Variants in IFT81 observed in about 807,000 individuals in gnomAD.
IFT81 encodes the protein intraflagellar transport 81, also known as intraflagellar transport protein 81 homolog.
A neutral mutation model predicts 102.6 loss-of-function variants in IFT81; 72 were observed. The observed-to-expected ratio is 0.70, with a 90% confidence interval of 0.58 to 0.85. The LOEUF is 0.85. Among genes scored for constraint, IFT81 ranks in the 40% least tolerant of loss-of-function variants. The pLI, the probability that IFT81 is intolerant of heterozygous loss-of-function variation, is 0.00. For missense variants in IFT81, 723 were observed against 787.3 expected (o/e 0.92, Z 0.98); for synonymous variants, 237 against 242.7 (o/e 0.98, Z 0.22).
chr12:110,172,947 G>GGGGGA (rs1896824306), intron 11 of IFT81, among the ~76,000 whole-genome samples: 1 of 142,748 alleles, frequency 7.0e-6, no homozygotes, highest in African/African-American at 2.6e-5. Flanking sequence ...GGAGGTGGGG[G>GGGGGA]TCAGCCCCCG....
At chr12:110,206,214 A>G (rs1868603207) in intron 17 of IFT81, among the ~76,000 whole-genome samples, 1 of 152,168 alleles carries the variant, frequency 6.6e-6, no homozygotes, top group Non-Finnish European at 1.5e-5. Flanking sequence ...GTGTGATTGC[A>G]GTGTACCAGT....
chr12:110,180,711 A>G (rs1897287159), intron 12 of IFT81, 140 bp downstream of exon 12: 1 of 545,486 alleles, frequency 1.8e-6, no homozygotes, highest in Non-Finnish European at 3.0e-6. Flanking sequence ...GACATGACAT[A>G]TAAGTTGATT....
Position 110,163,071 on chromosome 12 carries a change from C to T in IFT81, c.1188+6C>T. 1 of 1,611,856 alleles carries T rather than the reference C, an allele frequency of 6.2e-7. No homozygotes were observed. The highest frequency in any genetic ancestry group is 8.5e-7 in the Non-Finnish European group (1 of 1,178,622). On this transcript the variant is annotated splice_donor_region_variant and intron_variant, in intron 11 of 18. Transcript: ENST00000242591. ...AAGTTTTAAAGGGAGATGAGGTAAG[C>T]TGAGCCATCTCATGGGACAAGGGTA...
At chr12:110,126,297 G>T in intron 1 of IFT81, among the ~76,000 whole-genome samples, 1 of 138,202 alleles carries the variant, frequency 7.2e-6, no homozygotes, top group Non-Finnish European at 1.5e-5. Flanking sequence ...AAAAAAAAAA[G>T]CACAAGATCA....
Position 110,180,570 on chromosome 12 carries a change from TG to T in IFT81, c.1338+1del. 1 of 1,599,816 alleles carries T rather than the reference TG, an allele frequency of 6.3e-7. No homozygotes were observed. Among genetic ancestry groups the T allele is most frequent in the Middle Eastern group, 1.7e-4 (1 of 5,988 alleles). On this transcript the variant is annotated frameshift_variant and splice_region_variant, in exon 12 of 19. Transcript: ENST00000242591. LOFTEE classifies it high-confidence loss of function. ...CGTCATGAAAATATTCAACAACAAC[TG>T]GTAATACAGTATTATCTTGGGCTAC... ...KQRHENIQQQ[L>X]QTMEEKKGIS... is the part of the protein sequence containing the mutation.
chr12:110,136,710 G>T, intron 7 of IFT81, 66 bp from the exon 8 acceptor site: 1 of 816,322 alleles, frequency 1.2e-6, no homozygotes, highest in African/African-American at 1.7e-5. Flanking sequence ...ATTTTTCATT[G>T]CTTGCCTAAG....
intron 10 of IFT81, among the ~76,000 whole-genome samples, chr12:110,154,628 C>CAAAAAAAAAAAAAA (rs201856295): frequency 1.9e-5 from 1 of 53,598 alleles, no homozygotes. Context: ...CTCTGTCTCA[C>CAAAAAAAAAAAAAA]AAAAAAAAAA....
rs532716744 is a variant in IFT81 at position 110,215,340 on chromosome 12, G to A, written c.1849-2704G>A. Among the ~76,000 whole-genome samples, 14 of 150,172 alleles carry A rather than the reference G, an allele frequency of 9.3e-5. No homozygotes were observed. In the East Asian group the frequency reaches 2.8e-3, roughly 30 times the overall value. On this transcript the variant is annotated intron_variant, in intron 18 of 18. Transcript: ENST00000242591. ...AGATATTTCCAACACACTGCATTTC[G>A]TTCTATGTGCACTTTCACCTTCTCT...
chr12:110,160,508 C>T (rs946385955), intron 10 of IFT81, among the ~76,000 whole-genome samples: 2 of 152,192 alleles, frequency 1.3e-5, no homozygotes, highest in African/African-American at 4.8e-5. Context: ...CCACCTTCCT[C>T]CCCCTGCCTT....
At position 110,218,338 on chromosome 12, in the gene IFT81, C is replaced by G; in HGVS notation, c.*112C>G. 1.4e-6 allele frequency: 1 copy of G among 715,502 alleles called. No homozygotes were observed. Among genetic ancestry groups the G allele is most frequent in the Non-Finnish European group, 2.1e-6 (1 of 468,808 alleles). 44.3% of individuals were successfully genotyped at this position (715,502 alleles called of 1,614,324 possible). A position where few individuals can be genotyped will look rare whatever the true frequency, so the allele number is the denominator to read the frequency against. On this transcript the variant is annotated 3_prime_UTR_variant, in exon 19 of 19. Coordinates refer to ENST00000242591, the MANE Select transcript of IFT81 (RefSeq NM_014055.4). ...GTATAGCATTTTGTTTTCAGAAGAG[C>G]CATTCTTTATTAAGTTTTCATAGAA...
At chr12:110,154,358 C>T (rs1477743724) in intron 10 of IFT81, among the ~76,000 whole-genome samples, 4 of 149,398 alleles carry the variant, frequency 2.7e-5, no homozygotes, top group East Asian at 3.9e-4. Flanking sequence ...TGGCCGGGTG[C>T]GGTGACTCAC....
At chr12:110,143,749 C>T (rs1895035183) in intron 9 of IFT81, among the ~76,000 whole-genome samples, 1 of 152,072 alleles carries the variant, frequency 6.6e-6, no homozygotes, top group Non-Finnish European at 1.5e-5. Context: ...GTTATGAAAA[C>T]ATAATCAATT....
intron 1 of IFT81, among the ~76,000 whole-genome samples, chr12:110,126,453 G>C (rs981301282): frequency 6.6e-6 from 1 of 151,984 alleles, no homozygotes; most frequent in South Asian, 2.1e-4. Context: ...AAGATGGTTG[G>C]GGGGGTTTGT....
In IFT81 at chr12:110,132,446, C is replaced by T. The variant is rs1183466208; in HGVS notation, c.430-101C>T. ...CTGCACTCCAGGCTGGGCGACAGAG[C>T]AAGAGTCTGTCTCAAAAAAAAAAAA... On this transcript the variant is annotated intron_variant, in intron 4 of 18. Transcript: ENST00000242591. The T allele has an allele frequency of 2.9e-5, 14 of 481,444 alleles. No homozygotes were observed. The Admixed American group carries it at 4.4e-4, about 15-fold the overall frequency. The allele number at this position is 481,444 out of a possible 1,614,324, so 29.8% of individuals were successfully genotyped here. A position where few individuals can be genotyped will look rare whatever the true frequency, so the allele number is the denominator to read the frequency against.
chr12:110,218,257 G>C lies in IFT81; in HGVS notation c.*31G>C. On this transcript the variant is annotated 3_prime_UTR_variant, in exon 19 of 19. Coordinates refer to ENST00000242591, the MANE Select transcript of IFT81 (RefSeq NM_014055.4). The stretch of plus-strand genomic sequence containing the variant: ...TGTGTCATCGTTTGGGGTTTTACTT[G>C]ATACCACTAGCTATAAGCCTAATCT... The C allele has an allele frequency of 6.8e-7, 1 of 1,463,066 alleles. No homozygotes were observed. Among genetic ancestry groups the C allele is most frequent in the South Asian group, 1.4e-5 (1 of 69,318 alleles). 90.6% of individuals were successfully genotyped at this position (1,463,066 alleles called of 1,614,324 possible). A position where few individuals can be genotyped will look rare whatever the true frequency, so the allele number is the denominator to read the frequency against.
chr12:110,200,657 G>A (rs1015539524), intron 14 of IFT81, among the ~76,000 whole-genome samples: 18 of 151,868 alleles, frequency 1.2e-4, no homozygotes, highest in Admixed American at 3.3e-4. Flanking sequence ...TTAGCTTACC[G>A]TAGCTTTCTT....
At chr12:110,210,072 T>C (rs1046127403) in intron 18 of IFT81, among the ~76,000 whole-genome samples, 4 of 152,182 alleles carry the variant, frequency 2.6e-5, no homozygotes, top group African/African-American at 9.6e-5. Context: ...AATGACCAAC[T>C]GATTAGTTAG....
chr12:110,200,960 A>T (rs535463685), intron 14 of IFT81, among the ~76,000 whole-genome samples: 211 of 152,062 alleles, frequency 1.4e-3, no homozygotes, highest in Non-Finnish European at 1.8e-3. Context: ...GAAAAAAATT[A>T]AAAAAAACTT....
intron 11 of IFT81, among the ~76,000 whole-genome samples, chr12:110,175,620 A>G (rs1260911925): frequency 6.6e-6 from 1 of 152,232 alleles, no homozygotes; most frequent in Non-Finnish European, 1.5e-5. Context: ...GCTACTTGTA[A>G]AAGTGGAGTT....
Sources: allele counts gnomAD v4.1 joint callset (sites outside exome capture counted in the v4.1 genomes callset), GRCh38; gene constraint gnomAD v4.1.1; transcripts MANE v1.5; gene names NCBI Gene and HGNC (gene_info 2026-07-23, HGNC 2026-07-21).